Variants in RNLS observed in about 807,000 individuals in gnomAD.
RNLS encodes renalase, FAD dependent amine oxidase.
In RNLS, 39 loss-of-function variants were observed where a neutral mutation model predicts 39.8. The ratio of observed to expected loss-of-function variants is 0.98; its 90% CI spans 0.76 to 1.28. RNLS has a LOEUF of 1.28. RNLS is among the 50% of genes most tolerant of loss of function. The pLI is 0.00. For missense variants in RNLS, 410 were observed against 413.3 expected, an observed-to-expected ratio of 0.99 and a Z score of 0.07; for synonymous variants, 147 against 150.7, an observed-to-expected ratio of 0.98 and a Z score of 0.18.
At chr10:88,370,524 A>G (rs1468875830) in intron 4 of RNLS, among the ~76,000 whole-genome samples, 1 of 152,170 alleles carries the variant, frequency 6.6e-6, no homozygotes, top group African/African-American at 2.4e-5. Flanking sequence ...TAGGAAGCCA[A>G]TTTGTATTAT....
intron 4 of RNLS, among the ~76,000 whole-genome samples, chr10:88,417,282 G>T (rs1267626281): frequency 6.6e-6 from 1 of 152,140 alleles, no homozygotes; most frequent in Non-Finnish European, 1.5e-5. Flanking sequence ...TGTACTTGTG[G>T]TTTGAGAAGA....
chr10:88,317,637 G>C lies in RNLS; in HGVS notation c.701-2996C>G, dbSNP rs143661080. On this transcript the variant is annotated intron_variant, in intron 5 of 6. Transcript: ENST00000331772. ...TATACAGTTCAGTAGCATTGAGTATGTTCACTTTGTTCTATAACAGTCACC... is the reference window on the plus strand; with the variant it reads ...TATACAGTTCAGTAGCATTGAGTATCTTCACTTTGTTCTATAACAGTCACC... Among the ~76,000 whole-genome samples, 549 of 152,300 alleles carry C rather than the reference G, an allele frequency of 3.6e-3. 1 individual carries two copies. The highest frequency in any genetic ancestry group is 6.3e-3 in the Non-Finnish European group (428 of 68,030).
chr10:88,556,917 T>A (rs1848906595), intron 4 of RNLS, among the ~76,000 whole-genome samples: 1 of 152,158 alleles, frequency 6.6e-6, no homozygotes, highest in African/African-American at 2.4e-5. Context: ...ACCCCCTGGA[T>A]CAAATACTAT....
At chr10:88,493,684 TAC>T (rs1254930477) in intron 4 of RNLS, among the ~76,000 whole-genome samples, 1 of 152,162 alleles carries the variant, frequency 6.6e-6, no homozygotes. Context: ...TGTAGGAGAA[TAC>T]AGTTTCCCTT....
chr10:88,498,906 T>C (rs1202121533), intron 4 of RNLS, among the ~76,000 whole-genome samples: 1 of 152,086 alleles, frequency 6.6e-6, no homozygotes, highest in Non-Finnish European at 1.5e-5. Context: ...CTAAAAATTA[T>C]CTGGAAAGAA....
intron 4 of RNLS, among the ~76,000 whole-genome samples, chr10:88,401,789 G>A (rs1852935234): frequency 6.6e-6 from 1 of 152,026 alleles, no homozygotes; most frequent in African/African-American, 2.4e-5. Context: ...AAAATGAGGT[G>A]ACAGAATGTA....
intron 4 of RNLS, among the ~76,000 whole-genome samples, chr10:88,403,466 A>C (rs1026450683): frequency 3.9e-5 from 6 of 152,062 alleles, no homozygotes; most frequent in African/African-American, 1.4e-4. Context: ...ATACACTGAA[A>C]TATTTACAGA....
At chr10:88,367,736 T>C (rs975118077) in intron 4 of RNLS, among the ~76,000 whole-genome samples, 9 of 152,166 alleles carry the variant, frequency 5.9e-5, no homozygotes, top group Admixed American at 5.2e-4. Flanking sequence ...TACTATTACA[T>C]TGTCGTTTTA....
chr10:88,232,477 C>T, the RNLS span, among the ~76,000 whole-genome samples: 4 of 152,174 alleles, frequency 2.6e-5, no homozygotes, highest in African/African-American at 2.4e-5. Flanking sequence ...GACAGGATAT[C>T]GCTATGCTTC....
chr10:88,451,864 G>A (rs1293843007), intron 4 of RNLS, among the ~76,000 whole-genome samples: 1 of 152,110 alleles, frequency 6.6e-6, no homozygotes, highest in African/African-American at 2.4e-5. Flanking sequence ...TTTCTCTGAT[G>A]CTAGGTTGAC....
chr10:88,263,475 C>G, the RNLS span, among the ~76,000 whole-genome samples: 1 of 152,160 alleles, frequency 6.6e-6, no homozygotes, highest in Non-Finnish European at 1.5e-5. Flanking sequence ...GATAATGAGG[C>G]TGTAGCTTCA....
At chr10:88,180,317 A>G in the RNLS span, among the ~76,000 whole-genome samples, 1 of 152,216 alleles carries the variant, frequency 6.6e-6, no homozygotes, top group Non-Finnish European at 1.5e-5. Flanking sequence ...AAACAACAAT[A>G]TATTATTGCA....
chr10:88,373,290 G>C (rs551617636), intron 4 of RNLS, among the ~76,000 whole-genome samples: 2 of 152,138 alleles, frequency 1.3e-5, no homozygotes, highest in East Asian at 3.9e-4. Context: ...TGAAATCTGT[G>C]GTATTGAAGC....
the RNLS span, among the ~76,000 whole-genome samples, chr10:88,202,949 T>C: frequency 1.3e-5 from 2 of 151,944 alleles, no homozygotes; most frequent in Non-Finnish European, 2.9e-5. Context: ...GCAGACTTCC[T>C]GCAGTTTAAA....
chr10:88,223,773 C>G, the RNLS span, among the ~76,000 whole-genome samples: 1 of 152,320 alleles, frequency 6.6e-6, no homozygotes, highest in Middle Eastern at 3.4e-3. Flanking sequence ...AGTTGCACCT[C>G]TACCGTGACC....
At chr10:88,325,346 T>A (rs1271179071) in intron 5 of RNLS, among the ~76,000 whole-genome samples, 1 of 152,184 alleles carries the variant, frequency 6.6e-6, no homozygotes, top group Non-Finnish European at 1.5e-5. Flanking sequence ...GCCATCCTAA[T>A]GAGTGTGAAA....
the RNLS span, among the ~76,000 whole-genome samples, chr10:88,239,215 C>T: frequency 6.6e-6 from 1 of 152,140 alleles, no homozygotes; most frequent in South Asian, 2.1e-4. Flanking sequence ...GCCTGCTGTC[C>T]TCTGGGTTAC....
chr10:88,501,077 C>T (rs1433592290), intron 4 of RNLS, among the ~76,000 whole-genome samples: 2 of 151,394 alleles, frequency 1.3e-5, no homozygotes, highest in African/African-American at 4.8e-5. Flanking sequence ...TTCATAAGTG[C>T]TTAATATAAG....
At chr10:88,382,081 T>C (rs1851551035) in intron 4 of RNLS, among the ~76,000 whole-genome samples, 1 of 152,178 alleles carries the variant, frequency 6.6e-6, no homozygotes, top group Non-Finnish European at 1.5e-5. Context: ...TTGCTTTTAT[T>C]GCTTTGCAGT....
Sources: gnomAD v4.1 joint callset for allele counts (sites outside exome capture counted in the v4.1 genomes callset) on GRCh38, gnomAD v4.1.1 for gene constraint, MANE v1.5 for transcripts, NCBI Gene and HGNC (gene_info 2026-07-23, HGNC 2026-07-21) for gene names.